Variants in LOXHD1 observed in about 807,000 individuals in gnomAD.
LOXHD1 encodes the protein lipoxygenase homology domain-containing protein 1.
In LOXHD1, 205 loss-of-function variants were observed where a neutral mutation model predicts 248.2. That is an observed-to-expected ratio of 0.83 (90% CI 0.74 to 0.93). LOXHD1 has a LOEUF of 0.93. LOXHD1 is among the 40% of genes least tolerant of loss of function. The pLI, the probability that LOXHD1 is intolerant of heterozygous loss-of-function variation, is 0.00. For missense variants in LOXHD1, 2,930 were observed against 2,971.6 expected, an observed-to-expected ratio of 0.99 and a Z score of 0.33; for synonymous variants, 1,113 against 1,162.8, an observed-to-expected ratio of 0.96 and a Z score of 0.87.
intron 2 of LOXHD1, among the ~76,000 whole-genome samples, chr18:46,644,866 C>T (rs1450244056): frequency 6.6e-6 from 1 of 152,076 alleles, no homozygotes; most frequent in African/African-American, 2.4e-5. Flanking sequence ...TGGGGAGGAG[C>T]GTATGTGGAA....
intron 12 of LOXHD1, among the ~76,000 whole-genome samples, chr18:46,591,008 T>TCA (rs1202130616): frequency 1.1e-4 from 17 of 152,242 alleles, no homozygotes; most frequent in Admixed American, 1.1e-3. Flanking sequence ...TCTATGTTTA[T>TCA]GAGTATTTAA....
At chr18:46,510,991 A>T (rs2034925201) in intron 34 of LOXHD1, among the ~76,000 whole-genome samples, 1 of 152,238 alleles carries the variant, frequency 6.6e-6, no homozygotes, top group Non-Finnish European at 1.5e-5. Flanking sequence ...ATGATTTTGC[A>T]GATCAAAAGA....
intron 6 of LOXHD1, among the ~76,000 whole-genome samples, chr18:46,608,300 A>G (rs1027661644): frequency 6.6e-6 from 1 of 152,224 alleles, no homozygotes; most frequent in African/African-American, 2.4e-5. Flanking sequence ...TTTCACCCAT[A>G]GATTTCACAC....
intron 1 of LOXHD1, among the ~76,000 whole-genome samples, chr18:46,654,424 G>A (rs2039153474): frequency 6.6e-6 from 1 of 152,224 alleles, no homozygotes; most frequent in Non-Finnish European, 1.5e-5. Flanking sequence ...AGCCTGTGCA[G>A]GGTGGCCTCT....
chr18:46,545,276 G>A, intron 23 of LOXHD1, 41 bp downstream of exon 23: 1 of 1,424,120 alleles, frequency 7.0e-7, no homozygotes. Flanking sequence ...TCTCCCTGGG[G>A]AAGAATGTGG....
chr18:46,564,567 T>C (rs2037599800), intron 17 of LOXHD1, among the ~76,000 whole-genome samples: 1 of 152,054 alleles, frequency 6.6e-6, no homozygotes, highest in African/African-American at 2.4e-5. Context: ...AGGTATATTG[T>C]TTAAAAATAT....
At chr18:46,602,795 G>C (rs2038358365) in intron 7 of LOXHD1, among the ~76,000 whole-genome samples, 1 of 151,722 alleles carries the variant, frequency 6.6e-6, no homozygotes, top group African/African-American at 2.4e-5. Context: ...AAAAAAAATA[G>C]GTCTCGAGCT....
At chr18:46,506,066 GAC>G (rs1335652838) in intron 36 of LOXHD1, 43 bp from the exon 37 acceptor site, 1 of 1,544,664 alleles carries the variant, frequency 6.5e-7, no homozygotes, top group Non-Finnish European at 8.8e-7. Context: ...CAGCCTCTTT[GAC>G]ACACAGTCCT....
At chr18:46,649,079 G>A (rs1310478172) in intron 2 of LOXHD1, 76 bp downstream of exon 2, 16 of 1,233,128 alleles carry the variant, frequency 1.3e-5, no homozygotes, top group Non-Finnish European at 1.9e-5. Context: ...CAGAGAAGCA[G>A]GCCACCCTTG....
At chr18:46,653,345 C>T (rs543567461) in intron 1 of LOXHD1, among the ~76,000 whole-genome samples, 8 of 152,280 alleles carry the variant, frequency 5.3e-5, no homozygotes, top group Non-Finnish European at 1.2e-4. Context: ...ATTCTGGGGG[C>T]TGGAAATATT....
At chr18:46,634,847 A>C (rs2038872892) in intron 4 of LOXHD1, among the ~76,000 whole-genome samples, 1 of 152,188 alleles carries the variant, frequency 6.6e-6, no homozygotes, top group African/African-American at 2.4e-5. Flanking sequence ...CAAGATGAGA[A>C]AGTTTTAGAG....
chr18:46,572,403 G>T, intron 14 of LOXHD1, among the ~76,000 whole-genome samples: 1 of 152,302 alleles, frequency 6.6e-6, no homozygotes, highest in South Asian at 2.1e-4. Flanking sequence ...GAATGGGTAG[G>T]ATGATGTCAC....
intron 25 of LOXHD1, among the ~76,000 whole-genome samples, chr18:46,540,242 C>T (rs888128212): frequency 7.2e-5 from 11 of 152,200 alleles, no homozygotes; most frequent in African/African-American, 1.9e-4. Context: ...GCATTGCCAG[C>T]CTCTAGGAGT....
chr18:46,490,114 T>C (rs928450289), intron 37 of LOXHD1, among the ~76,000 whole-genome samples: 1 of 152,208 alleles, frequency 6.6e-6, no homozygotes, highest in Non-Finnish European at 1.5e-5. Flanking sequence ...CTGGTTGAGT[T>C]ACTCTCTTCT....
chr18:46,634,887 G>T (rs2038873271), intron 4 of LOXHD1, among the ~76,000 whole-genome samples: 1 of 152,196 alleles, frequency 6.6e-6, no homozygotes, highest in African/African-American at 2.4e-5. Context: ...GCACAACAAT[G>T]TGAATGTACT....
intron 37 of LOXHD1, among the ~76,000 whole-genome samples, chr18:46,489,951 T>C (rs1200401562): frequency 6.6e-6 from 1 of 152,258 alleles, no homozygotes; most frequent in Non-Finnish European, 1.5e-5. Context: ...ATGTTGCTAA[T>C]ATTGAACACA....
rs1223508098 is a variant in LOXHD1, at chr18:46,522,197, C to T, written c.4989G>A (p.Trp1663Ter). 4 of 1,551,644 alleles carry T rather than the reference C, an allele frequency of 2.6e-6. No individual in the cohort carries two copies. Among genetic ancestry groups the T allele is most frequent in the Non-Finnish European group, 3.5e-6 (4 of 1,147,032 alleles). Residue 1663 changes from tryptophan (W) to a stop codon, truncating the protein, a stop_gained, in exon 32 of 41, where the codon TGG becomes TGA. Coordinates refer to ENST00000642948, the MANE Select transcript of LOXHD1 (RefSeq NM_001384474.1). LOFTEE classifies it high-confidence loss of function. ...CCCTCTTCCCTCGGGGGTAGTCCAA[C>T]CAGATGCGCTTACTACGTTCATCAT... ...GEDDERSKRI[W>*]LDYPRGKRGF...
At chr18:46,575,654 C>A (rs999580768) in intron 14 of LOXHD1, among the ~76,000 whole-genome samples, 1 of 152,150 alleles carries the variant, frequency 6.6e-6, no homozygotes, top group African/African-American at 2.4e-5. Flanking sequence ...CGGGTCAGAT[C>A]CTTCCCTAGC....
intron 1 of LOXHD1, among the ~76,000 whole-genome samples, chr18:46,653,427 G>A (rs2039138219): frequency 6.6e-6 from 1 of 152,174 alleles, no homozygotes; most frequent in Non-Finnish European, 1.5e-5. Flanking sequence ...GTTTTGTTCT[G>A]TATATACAAT....
Sources: gnomAD v4.1 joint callset for allele counts (sites outside exome capture counted in the v4.1 genomes callset) on GRCh38, gnomAD v4.1.1 for gene constraint, MANE v1.5 for transcripts, NCBI Gene and HGNC (gene_info 2026-07-23, HGNC 2026-07-21) for gene names.